Variants in AARS1 observed in about 807,000 individuals in gnomAD.
The protein encoded by AARS1 is alanine--tRNA ligase, cytoplasmic.
A neutral mutation model predicts 108.9 loss-of-function variants in AARS1; 72 were observed. That is an observed-to-expected ratio of 0.66 (90% CI 0.55 to 0.80). The LOEUF is 0.80. Among genes scored for constraint, AARS1 ranks in the 30% least tolerant of loss-of-function variants. The pLI, the probability that AARS1 is intolerant of heterozygous loss-of-function variation, is 0.00. For missense variants in AARS1, 1,193 were observed against 1,233.2 expected, an observed-to-expected ratio of 0.97 and a Z score of 0.49; for synonymous variants, 489 against 465.7, an observed-to-expected ratio of 1.05 and a Z score of -0.64.
intron 8 of AARS1, 148 bp from the exon 9 acceptor site, chr16:70,267,957 CAGG>C: frequency 8.9e-7 from 1 of 1,127,360 alleles, no homozygotes; most frequent in African/African-American, 1.5e-5. Flanking sequence ...TGCCTGAGCT[CAGG>C]AGTTCAAGAC....
chr16:70,288,831 C>A (rs1007729562), intron 1 of AARS1, among the ~76,000 whole-genome samples: 1 of 150,658 alleles, frequency 6.6e-6, no homozygotes, highest in Non-Finnish European at 1.5e-5. Context: ...CCTCCCAAAG[C>A]GCTGGGATTA....
intron 1 of AARS1, among the ~76,000 whole-genome samples, chr16:70,288,701 A>G (rs1250248111): frequency 4.0e-5 from 6 of 151,142 alleles, no homozygotes; most frequent in Non-Finnish European, 8.8e-5. Context: ...GGAGTGGCTG[A>G]GAGTACAGGC....
intron 1 of AARS1, among the ~76,000 whole-genome samples, chr16:70,283,894 A>T (rs1194143352): frequency 6.6e-6 from 1 of 152,186 alleles, no homozygotes; most frequent in Non-Finnish European, 1.5e-5. Context: ...ACTGGTGGAG[A>T]GAGAAAAAAC....
In AARS1 at chr16:70,253,351, T is replaced by C. The variant is rs1418850191; in HGVS notation, c.2638A>G (p.Met880Val). The change falls in exon 20 of 21, where the codon ATG (methionine) becomes GTG (valine). Residue 880 changes from methionine to valine, a missense_variant. Met to Val is a conservative substitution (Grantham distance 21). Transcript: ENST00000261772. Reference protein sequence around the residue: ...ALNEALKLFKMHSPQTSAMLF... With the variant: ...ALNEALKLFKVHSPQTSAMLF... ...ATGGCAGAAGTCTGAGGGGAGTGCATCTTGAAGAGCTTCAAGGCTTCATTC... is the reference window on the plus strand; with the variant it reads ...ATGGCAGAAGTCTGAGGGGAGTGCACCTTGAAGAGCTTCAAGGCTTCATTC... 1 of 1,614,054 alleles carries C rather than the reference T, an allele frequency of 6.2e-7. No homozygotes were observed. Among genetic ancestry groups the C allele is most frequent in the East Asian group, 2.2e-5 (1 of 44,872 alleles).
intron 3 of AARS1, 38 bp downstream of exon 3, chr16:70,276,928 T>C: frequency 6.2e-7 from 1 of 1,610,682 alleles, no homozygotes; most frequent in Non-Finnish European, 8.5e-7. Flanking sequence ...AAGACCATTT[T>C]CCTCAAAACC....
chr16:70,287,254 C>CAAAAAAAAAAAAA (rs71151181), intron 1 of AARS1, among the ~76,000 whole-genome samples: 3 of 39,434 alleles, frequency 7.6e-5, no homozygotes, highest in African/African-American at 2.8e-4. Context: ...GACTCCGTCT[C>CAAAAAAAAAAAAA]AAAAAAAAAA....
At position 70,288,374 on chromosome 16, in the gene AARS1, G is replaced by C. The variant is rs539392350; in HGVS notation, c.-22+1047C>G. Among the ~76,000 whole-genome samples the C allele has an allele frequency of 2.0e-5, 3 of 151,906 alleles. No individual in the cohort carries two copies. In the South Asian group the frequency reaches 6.2e-4, roughly 32 times the overall value. ...TCTGCCCACCTCGGCCTCCCCAAGT[G>C]CTGGGATTACAGGCGTGAGCCACCG... On this transcript the variant is annotated intron_variant, in intron 1 of 20. Transcript: ENST00000261772.
intron 2 of AARS1, among the ~76,000 whole-genome samples, chr16:70,278,164 G>A (rs1220649676): frequency 2.0e-5 from 3 of 151,954 alleles, no homozygotes; most frequent in East Asian, 1.9e-4. Context: ...GGATTCCTTC[G>A]AGCCCAGAGT....
chr16:70,269,554 T>G, intron 7 of AARS1, 64 bp downstream of exon 7: 1 of 1,603,522 alleles, frequency 6.2e-7, no homozygotes, highest in Non-Finnish European at 8.5e-7. Flanking sequence ...AAAAGTTTCA[T>G]AAAGAGTCAC....
rs1472762524 is a variant in AARS1, at chr16:70,267,703, A to T, written c.1178T>A (p.Leu393Gln). Residue 393 changes from leucine to glutamine, a missense_variant, in exon 9 of 21, where the codon CTG becomes CAG. By Grantham distance (113) the Leu-to-Gln change is moderately radical. Coordinates refer to ENST00000261772, the MANE Select transcript of AARS1 (RefSeq NM_001605.3). Reference sequence around the variant, plus strand: ...TCCCAGGCTCTGAATTTTCCTGTCCAGGATGCGACGCCCTCTGCTGAGAGT... The same window carrying T: ...TCCCAGGCTCTGAATTTTCCTGTCCTGGATGCGACGCCCTCTGCTGAGAGT... ...LKTLSRGRRILDRKIQSLGDS... is the reference protein window; with the variant it reads ...LKTLSRGRRIQDRKIQSLGDS... The T allele has an allele frequency of 6.8e-6, 11 of 1,614,064 alleles. No homozygotes were observed. The highest frequency in any genetic ancestry group is 9.3e-6 in the Non-Finnish European group (11 of 1,180,052).
chr16:70,280,423 G>A (rs142024059), intron 2 of AARS1, among the ~76,000 whole-genome samples: 9 of 152,242 alleles, frequency 5.9e-5, no homozygotes, highest in African/African-American at 1.4e-4. Flanking sequence ...TGATCCTCCC[G>A]TCTCAGCCTC....
At chr16:70,265,126 A>G (rs1165033621) in intron 10 of AARS1, 24 bp from the exon 11 acceptor site, 1 of 1,613,714 alleles carries the variant, frequency 6.2e-7, no homozygotes, top group Admixed American at 1.7e-5. Context: ...AAACAAGCAT[A>G]AGTTACCGTA....
intron 1 of AARS1, among the ~76,000 whole-genome samples, chr16:70,285,459 T>C: frequency 6.6e-6 from 1 of 152,010 alleles, no homozygotes; most frequent in Non-Finnish European, 1.5e-5. Flanking sequence ...TCTTTTTTTT[T>C]CTTTTTTGAG....
Position 70,252,404 on chromosome 16 carries a change from C to G in AARS1, c.*317G>C, listed in dbSNP as rs1211734591. ...GCGGCATTAAGTATTGCACGTGGTC[C>G]TTTTATTCTCTGCAGCAAAAACGAT... On this transcript the variant is annotated 3_prime_UTR_variant, in exon 21 of 21. Transcript: ENST00000261772. The G allele has an allele frequency of 2.2e-6, 1 of 451,382 alleles. No homozygotes were observed. Among genetic ancestry groups the G allele is most frequent in the East Asian group, 4.5e-5 (1 of 22,000 alleles). 28.0% of individuals were successfully genotyped at this position (451,382 alleles called of 1,614,324 possible).
At chr16:70,277,293 C>A in intron 2 of AARS1, 139 bp from the exon 3 acceptor site, 3 of 991,518 alleles carry the variant, frequency 3.0e-6, no homozygotes, top group Non-Finnish European at 4.7e-6. Context: ...CTTGTCAGAA[C>A]AGGTGGCCTG....
At chr16:70,253,045 C>G in intron 20 of AARS1, 139 bp from the exon 21 acceptor site, 1 of 1,080,304 alleles carries the variant, frequency 9.3e-7, no homozygotes, top group Non-Finnish European at 1.4e-6. Flanking sequence ...GACTTTACGG[C>G]TGGTACAGGG....
At chr16:70,276,888 C>T in intron 3 of AARS1, 78 bp downstream of exon 3, 1 of 1,521,706 alleles carries the variant, frequency 6.6e-7, no homozygotes, top group African/African-American at 1.4e-5. Context: ...TTAAAACATG[C>T]AAAATTAGAA....
At chr16:70,288,835 G>A (rs1960945899) in intron 1 of AARS1, among the ~76,000 whole-genome samples, 2 of 152,088 alleles carry the variant, frequency 1.3e-5, no homozygotes, top group South Asian at 2.1e-4. Context: ...CCAAAGCGCT[G>A]GGATTACAGG....
Position 70,255,739 on chromosome 16 carries a change from C to T in AARS1, c.2275G>A (p.Glu759Lys), listed in dbSNP as rs137894161. Residue 759 changes from glutamate to lysine, a missense_variant, in exon 16 of 21, where the codon GAG becomes AAG. Physicochemically the swap from Glu to Lys is moderately conservative, Grantham distance 56. Transcript: ENST00000261772. ...IRRIVAVTGA[E>K]AQKALRKAES... ...CCTGACCTGCTCACCTTCTGGGCCT[C>T]GGCACCTGTGACAGCCACAATCCTC... is the stretch of plus-strand genomic sequence containing the variant. The T allele has an allele frequency of 5.5e-5, 89 of 1,614,004 alleles. No individual in the cohort carries two copies. The African/African-American group carries it at 6.8e-4, about 12-fold the overall frequency.
Sources: gnomAD v4.1 joint callset for allele counts (sites outside exome capture counted in the v4.1 genomes callset) on GRCh38, gnomAD v4.1.1 for gene constraint, MANE v1.5 for transcripts, NCBI Gene and HGNC (gene_info 2026-07-23, HGNC 2026-07-21) for gene names.